Variants in KANK1 observed in about 807,000 individuals in gnomAD.
The protein encoded by KANK1 is KN motif and ankyrin repeat domain-containing protein 1.
In KANK1, 109 loss-of-function variants were observed where a neutral mutation model predicts 106.2. That is an observed-to-expected ratio of 1.03 (90% CI 0.88 to 1.20). KANK1 has a LOEUF of 1.20. Among genes scored for constraint, KANK1 ranks in the 50% most tolerant of loss-of-function variants. The pLI is 0.00. For synonymous variants in KANK1, 873 were observed against 652.2 expected (o/e 1.34, Z -5.16); for missense variants, 2,399 against 1,710.7 (o/e 1.40, Z -7.10).
At position 625,239 on chromosome 9, in the gene KANK1, T is replaced by C. The variant is rs150375950; in HGVS notation, c.-83-51651T>C. Among the ~76,000 whole-genome samples, 262 of 152,330 alleles carry C rather than the reference T, an allele frequency of 1.7e-3. 3 individuals carry two copies. Among genetic ancestry groups the C allele is most frequent in the African/African-American group, 6.1e-3 (252 of 41,576 alleles). On this transcript the variant is annotated intron_variant, in intron 1 of 11. Transcript: ENST00000382297. ...GAAAGATTTGTTTAAACATATTTTT[T>C]AGTACAGTTTTATAAGTCCTTATCA...
At chr9:517,738 CTTTT>C (rs34749352) in intron 1 of KANK1, among the ~76,000 whole-genome samples, 10 of 111,064 alleles carry the variant, frequency 9.0e-5, no homozygotes, top group Admixed American at 9.9e-5. Flanking sequence ...CTTGAGGATT[CTTTT>C]TTTTTTTTTT....
At chr9:693,641 T>C in intron 2 of KANK1, 1 of 985,398 alleles carries the variant, frequency 1.0e-6, no homozygotes, top group Non-Finnish European at 1.2e-6. Flanking sequence ...CGTCAGGAAA[T>C]TCCAAATGGG....
At chr9:589,019 G>C (rs115736128) in intron 1 of KANK1, among the ~76,000 whole-genome samples, 1 of 151,784 alleles carries the variant, frequency 6.6e-6, no homozygotes, top group African/African-American at 2.4e-5. Context: ...TTGAAGCATT[G>C]TTAGTGTTAA....
intron 1 of KANK1, among the ~76,000 whole-genome samples, chr9:555,771 AC>A (rs2061545770): frequency 6.6e-6 from 1 of 152,214 alleles, no homozygotes; most frequent in African/African-American, 2.4e-5. Context: ...CCTAGTACAT[AC>A]GTGTTTTTAG....
chr9:473,555 A>T (rs1398654830), intron 3 of KANK1, among the ~76,000 whole-genome samples: 1 of 152,208 alleles, frequency 6.6e-6, no homozygotes, highest in African/African-American at 2.4e-5. Flanking sequence ...GGGTTTTCTG[A>T]TAGGTATAAT....
rs746227560 is a variant in KANK1 at position 711,821 on chromosome 9, A to G, written c.1055A>G (p.Glu352Gly). 1 of 1,614,030 alleles carries G rather than the reference A, an allele frequency of 6.2e-7. No individual in the cohort carries two copies. The highest frequency in any genetic ancestry group is 1.1e-5 in the South Asian group (1 of 91,072). Reference protein sequence around the residue: ...GGELYIDYEEEEMETVEQSTQ... With the variant: ...GGELYIDYEEGEMETVEQSTQ... The stretch of plus-strand genomic sequence containing the variant: ...GAATTATACATTGACTATGAGGAGG[A>G]AGAAATGGAGACCGTAGAACAGAGC... The change falls in exon 3 of 12, where the codon GAA becomes GGA. Residue 352 changes from glutamate to glycine, a missense_variant. Glu to Gly is a moderately conservative substitution (Grantham distance 98). Coordinates refer to ENST00000382297, the MANE Select transcript of KANK1 (RefSeq NM_015158.5).
intron 1 of KANK1, among the ~76,000 whole-genome samples, chr9:658,463 C>G (rs1022832): frequency 1.3e-5 from 2 of 150,682 alleles, no homozygotes; most frequent in African/African-American, 4.9e-5. Context: ...GCCTCCAGAC[C>G]TTTTAAAGAA....
chr9:601,643 A>C (rs1231113864), intron 1 of KANK1, among the ~76,000 whole-genome samples: 3 of 151,720 alleles, frequency 2.0e-5, no homozygotes. Context: ...CAGTTACTTC[A>C]TTCTGTGGGT....
chr9:620,084 A>G (rs190773871), intron 1 of KANK1, among the ~76,000 whole-genome samples: 154 of 152,022 alleles, frequency 1.0e-3, no homozygotes, highest in African/African-American at 3.6e-3. Context: ...TTGAGCCAAG[A>G]TCACACCACT....
intron 2 of KANK1, among the ~76,000 whole-genome samples, chr9:702,552 T>C (rs1822947165): frequency 6.6e-6 from 1 of 152,172 alleles, no homozygotes. Context: ...CATGTGCCTT[T>C]ATTATCAATA....
In KANK1 at chr9:712,510, G is replaced by C. The variant is rs781645665; in HGVS notation, c.1744G>C (p.Ala582Pro). 4 of 1,614,080 alleles carry C rather than the reference G, an allele frequency of 2.5e-6. No homozygotes were observed. In the African/African-American group the frequency reaches 5.3e-5, roughly 22 times the overall value. ...GAGGGTGGAAATGCATGACCGATGT[G>C]CTGGGAGGTCTGTGGAAATGTGTGA... ...KERVEMHDRC[A>P]GRSVEMCDKS... The change falls in exon 3 of 12, where the codon GCT becomes CCT. Residue 582 changes from alanine to proline, a missense_variant. Ala to Pro is a conservative substitution (Grantham distance 27, BLOSUM62 -1). Transcript: ENST00000382297.
At chr9:492,992 C>T (rs549704922) in intron 3 of KANK1, among the ~76,000 whole-genome samples, 20 of 149,108 alleles carry the variant, frequency 1.3e-4, no homozygotes, top group Non-Finnish European at 2.4e-4. Flanking sequence ...CCATTGCACT[C>T]CAGCCTGGGC....
At chr9:739,389 A>G (rs1403860584) in intron 8 of KANK1, among the ~76,000 whole-genome samples, 1 of 152,232 alleles carries the variant, frequency 6.6e-6, no homozygotes, top group Non-Finnish European at 1.5e-5. Context: ...TCCACTGTCC[A>G]ATCTCTTCTG....
rs181085188 is a variant in KANK1 at position 573,471 on chromosome 9, C to T, written c.-84+68717C>T. Among the ~76,000 whole-genome samples, 398 of 152,054 alleles carry T rather than the reference C, an allele frequency of 2.6e-3. 2 individuals are homozygous for T. Among genetic ancestry groups the T allele is most frequent in the African/African-American group, 9.2e-3 (383 of 41,466 alleles). The stretch of plus-strand genomic sequence containing the variant: ...ATTTTTAGTAGAAATAGGGTTTCAC[C>T]GTGTTAGCCAGGATGGTCTCGATCT... On this transcript the variant is annotated intron_variant, in intron 1 of 11. Transcript: ENST00000382297.
At chr9:551,005 G>C (rs62531494) in intron 1 of KANK1, among the ~76,000 whole-genome samples, 1,559 of 152,048 alleles carry the variant, frequency 0.01, 19 homozygotes, top group Admixed American at 0.018. Context: ...GTGGTAGAAA[G>C]TAAAGGAAAG....
intron 1 of KANK1, among the ~76,000 whole-genome samples, chr9:506,014 A>T (rs546132580): frequency 6.6e-6 from 1 of 152,198 alleles, no homozygotes; most frequent in South Asian, 2.1e-4. Flanking sequence ...ATTTAAAAAA[A>T]ATTGAAGTGT....
At chr9:665,791 G>T (rs1844428624) in intron 1 of KANK1, among the ~76,000 whole-genome samples, 1 of 152,134 alleles carries the variant, frequency 6.6e-6, no homozygotes, top group South Asian at 2.1e-4. Flanking sequence ...CATGAGCATG[G>T]AATAATATCT....
intron 1 of KANK1, among the ~76,000 whole-genome samples, chr9:624,771 C>A (rs958947821): frequency 1.3e-5 from 2 of 152,124 alleles, no homozygotes; most frequent in African/African-American, 4.8e-5. Context: ...TGTACCCCAG[C>A]CTGGGTGACA....
At chr9:685,971 G>A (rs998362588) in intron 2 of KANK1, among the ~76,000 whole-genome samples, 19 of 152,268 alleles carry the variant, frequency 1.2e-4, no homozygotes, top group African/African-American at 3.1e-4. Context: ...AGGCCAAGGC[G>A]TTTGAAGTGT....
Sources: allele counts gnomAD v4.1 joint callset (sites outside exome capture counted in the v4.1 genomes callset), GRCh38; gene constraint gnomAD v4.1.1; transcripts MANE v1.5; gene names NCBI Gene and HGNC (gene_info 2026-07-23, HGNC 2026-07-21).